CDC7: variants seen among roughly 807,000 people sequenced by gnomAD.
CDC7 encodes the protein cell division cycle 7-related protein kinase.
Under a neutral mutation model 53.5 loss-of-function variants are expected in CDC7, and 34 were observed. That is an observed-to-expected ratio of 0.64 (90% confidence interval 0.48 to 0.85). CDC7 has a LOEUF of 0.85. Among genes scored for constraint, CDC7 ranks in the 40% least tolerant of loss-of-function variants. The pLI, the probability that CDC7 is intolerant of heterozygous loss-of-function variation, is 0.00. For synonymous variants in CDC7, 211 were observed against 222.8 expected, an observed-to-expected ratio of 0.95 and a Z score of 0.47; for missense variants, 594 against 679.7, an observed-to-expected ratio of 0.87 and a Z score of 1.40.
intron 7 of CDC7, 68 bp downstream of exon 7, chr1:91,513,375 G>C: frequency 4.9e-6 from 7 of 1,421,548 alleles, no homozygotes; most frequent in Non-Finnish European, 6.8e-6. Context: ...CCAACAGAGG[G>C]AGATAGAATA....
Position 91,524,169 on chromosome 1 carries a change from C to G in CDC7, c.1459C>G (p.Pro487Ala), listed in dbSNP as rs773009951. 5.0e-6 allele frequency: 8 copies of G among 1,614,028 alleles called. No individual in the cohort carries two copies. The highest frequency in any genetic ancestry group is 6.8e-6 in the Non-Finnish European group (8 of 1,179,970). The change falls in exon 12 of 12, where the codon CCA (proline) becomes GCA (alanine). Residue 487 changes from proline to alanine, a missense_variant. Transcript: ENST00000234626. ...SDIQGHASHQ[P>A]AISEKTDHKA... ...TATACAAGGGCATGCTTCTCATCAA[C>G]CAGCTATTTCAGAGAAGACTGACCA...
chr1:91,516,813 C>A (rs903369142), intron 10 of CDC7, among the ~76,000 whole-genome samples: 1 of 152,128 alleles, frequency 6.6e-6, no homozygotes, highest in African/African-American at 2.4e-5. Flanking sequence ...GCCTGTAATC[C>A]CAGCACTTTC....
chr1:91,520,342 A>G, intron 11 of CDC7, 63 bp downstream of exon 11: 2 of 1,267,860 alleles, frequency 1.6e-6, no homozygotes, highest in South Asian at 1.7e-5. Context: ...CAAATCACTT[A>G]ATAAATTATT....
At chr1:91,512,347 T>C (rs1667330159) in intron 6 of CDC7, among the ~76,000 whole-genome samples, 1 of 152,016 alleles carries the variant, frequency 6.6e-6, no homozygotes. Flanking sequence ...TGGAATAATG[T>C]ACATTATTAG....
At position 91,511,916 on chromosome 1, in the gene CDC7, C is replaced by G. The variant is rs1384942188; in HGVS notation, c.565C>G (p.Leu189Val). ...KPSNFLYNRR[L>V]KKYALVDFGL... ...CAGCAATTTTTTATATAATAGGCGCCTGAAAAAGTAAGTATGAAGAGTTAC... is the reference window on the plus strand; with the variant it reads ...CAGCAATTTTTTATATAATAGGCGCGTGAAAAAGTAAGTATGAAGAGTTAC... Residue 189 changes from leucine (L) to valine (V), a missense_variant, in exon 6 of 12, where the codon CTG becomes GTG. Coordinates refer to ENST00000234626, the MANE Select transcript of CDC7 (RefSeq NM_003503.4). The G allele has an allele frequency of 6.3e-7, 1 of 1,575,948 alleles. No homozygotes were observed. Among genetic ancestry groups the G allele is most frequent in the Non-Finnish European group, 8.7e-7 (1 of 1,155,392 alleles).
At position 91,514,809 on chromosome 1, in the gene CDC7, T is replaced by A; in HGVS notation, c.919-10T>A. On this transcript the variant is annotated splice_polypyrimidine_tract_variant and intron_variant, in intron 8 of 11. Coordinates refer to ENST00000234626, the MANE Select transcript of CDC7 (RefSeq NM_003503.4). ...CATGAAAATAGAAAAATGAGACTTT[T>A]CTTTTACAGCTCATGAAGCAGTCAA... The A allele has an allele frequency of 6.4e-7, 1 of 1,551,528 alleles. No homozygotes were observed. Among genetic ancestry groups the A allele is most frequent in the Middle Eastern group, 1.7e-4 (1 of 5,782 alleles).
chr1:91,501,581 G>C (rs573154806), intron 1 of CDC7, 73 bp from the exon 2 acceptor site: 7 of 697,222 alleles, frequency 1.0e-5, no homozygotes, highest in East Asian at 2.5e-5. Context: ...TGCCCCTTTG[G>C]GGGGCAGTAG....
intron 11 of CDC7, among the ~76,000 whole-genome samples, chr1:91,522,452 A>G (rs10493850): frequency 0.29 from 43,516 of 152,104 alleles, 6,466 homozygotes; most frequent in East Asian, 0.48. Flanking sequence ...ATTAAAAAGA[A>G]AAGTCTTGAG....
intron 1 of CDC7, 74 bp from the exon 2 acceptor site, chr1:91,501,580 G>GC: frequency 2.9e-6 from 2 of 695,054 alleles, no homozygotes; most frequent in Non-Finnish European, 2.6e-6. Context: ...TTGCCCCTTT[G>GC]GGGGGCAGTA....
At chr1:91,519,869 G>A (rs186920329) in intron 10 of CDC7, among the ~76,000 whole-genome samples, 1 of 152,146 alleles carries the variant, frequency 6.6e-6, no homozygotes, top group African/African-American at 2.4e-5. Context: ...TTACCAACAC[G>A]TTGCTCAAGA....
At chr1:91,518,532 C>A (rs1358349349) in intron 10 of CDC7, among the ~76,000 whole-genome samples, 1 of 152,146 alleles carries the variant, frequency 6.6e-6, no homozygotes, top group Non-Finnish European at 1.5e-5. Flanking sequence ...GTGGTACTTA[C>A]ACACAATGGA....
chr1:91,503,135 A>G (rs13447466), intron 2 of CDC7, among the ~76,000 whole-genome samples: 3 of 152,192 alleles, frequency 2.0e-5, no homozygotes, highest in Admixed American at 6.5e-5. Context: ...TGGTTCTAGC[A>G]TCATGTTTAG....
Position 91,519,955 on chromosome 1 carries a change from A to T in CDC7, c.1181-175A>T, listed in dbSNP as rs1334956200. On this transcript the variant is annotated intron_variant, in intron 10 of 11. Coordinates refer to ENST00000234626, the MANE Select transcript of CDC7 (RefSeq NM_003503.4). ...ATCACCTGAGGAACTTTTTTAAAAC[A>T]TTGATGCCTGAGCCCTACTTCAGAA... 2.0e-5 allele frequency among the ~76,000 whole-genome samples: 3 copies of T among 152,212 alleles called. No individual in the cohort carries two copies. In the East Asian group the frequency reaches 5.8e-4, roughly 29 times the overall value.
chr1:91,514,472 CTG>C (rs760374508), intron 8 of CDC7, among the ~76,000 whole-genome samples: 5 of 152,294 alleles, frequency 3.3e-5, no homozygotes, highest in Admixed American at 3.3e-4. Flanking sequence ...CAAATTAAAA[CTG>C]TGATTTTAGC....
At chr1:91,511,044 A>T (rs577392) in intron 4 of CDC7, among the ~76,000 whole-genome samples, 149,972 of 152,288 alleles carry the variant, frequency 0.98, 73,881 homozygotes, top group East Asian at 1. Context: ...TGTCTAGATA[A>T]CTCTATCAAA....
At chr1:91,516,568 A>G (rs1227975854) in intron 10 of CDC7, among the ~76,000 whole-genome samples, 1 of 152,210 alleles carries the variant, frequency 6.6e-6, no homozygotes, top group Non-Finnish European at 1.5e-5. Context: ...TCAGGACACC[A>G]TCAAATAATT....
rs1271537518 is a variant in CDC7 at position 91,525,227 on chromosome 1, G to C, written c.*792G>C. On this transcript the variant is annotated 3_prime_UTR_variant, in exon 12 of 12. Coordinates refer to ENST00000234626, the MANE Select transcript of CDC7 (RefSeq NM_003503.4). ...GATAAAGGGAAGCTGCAGGACCAAG[G>C]TGAAGATTGATAGTCCAAATGCTTT... 1 of 152,102 alleles carries C rather than the reference G, an allele frequency of 6.6e-6. No homozygotes were observed. The highest frequency in any genetic ancestry group is 1.5e-5 in the Non-Finnish European group (1 of 67,992). The allele number at this position is 152,102 out of a possible 1,614,324, so 9.4% of individuals were successfully genotyped here.
At position 91,508,354 on chromosome 1, in the gene CDC7, C is replaced by A; in HGVS notation, c.292C>A (p.Pro98Thr). ...ALKHLIPTSH[P>T]IRIAAELQCL... ...AAAACACTTGATTCCAACAAGTCAT[C>A]CTATAAGAATTGCAGCTGAACTTCA... is the stretch of plus-strand genomic sequence containing the variant. The change falls in exon 4 of 12, where the codon CCT becomes ACT. Residue 98 changes from proline to threonine, a missense_variant. By Grantham distance (38) the Pro-to-Thr change is conservative (BLOSUM62 -1). Coordinates refer to ENST00000234626, the MANE Select transcript of CDC7 (RefSeq NM_003503.4). The A allele has an allele frequency of 4.3e-6, 7 of 1,611,906 alleles. No homozygotes were observed. Among genetic ancestry groups the A allele is most frequent in the Non-Finnish European group, 5.9e-6 (7 of 1,178,550 alleles).
In CDC7 at chr1:91,525,106, G is replaced by A. The variant is rs1377664584; in HGVS notation, c.*671G>A. On this transcript the variant is annotated 3_prime_UTR_variant, in exon 12 of 12. Transcript: ENST00000234626. ...TGCCCCTACCTAAAACATTCTCCTCGGAAATTACATGGTGCTGACCACAAA... is the reference window on the plus strand; with the variant it reads ...TGCCCCTACCTAAAACATTCTCCTCAGAAATTACATGGTGCTGACCACAAA... 2.0e-5 allele frequency: 3 copies of A among 152,072 alleles called. No individual in the cohort carries two copies. The highest frequency in any genetic ancestry group is 1.9e-4 in the East Asian group (1 of 5,176). The allele number at this position is 152,072 out of a possible 1,614,324, so 9.4% of individuals were successfully genotyped here.
Sources: allele counts gnomAD v4.1 joint callset (sites outside exome capture counted in the v4.1 genomes callset), GRCh38; gene constraint gnomAD v4.1.1; transcripts MANE v1.5; gene names NCBI Gene and HGNC (gene_info 2026-07-23, HGNC 2026-07-21).